Variants in ZPBP observed in about 807,000 individuals in gnomAD.
ZPBP encodes the protein zona pellucida binding protein, also known as zona pellucida-binding protein 1.
A neutral mutation model predicts 44.8 loss-of-function variants in ZPBP; 26 were observed. That is an observed-to-expected ratio of 0.58 (90% CI 0.43 to 0.81). The LOEUF (loss-of-function observed/expected upper bound fraction) is 0.81. ZPBP is among the 30% of genes least tolerant of loss of function. ZPBP has a pLI of 0.00. For synonymous variants in ZPBP, 174 were observed against 153.2 expected (o/e 1.14, Z -1.00); for missense variants, 409 against 434.0 (o/e 0.94, Z 0.51).
At chr7:49,840,691 C>A in the ZPBP span, among the ~76,000 whole-genome samples, 2 of 152,148 alleles carry the variant, frequency 1.3e-5, no homozygotes, top group Non-Finnish European at 2.9e-5. Context: ...AGTGCAGCTT[C>A]AAAAGCTGTT....
intron 7 of ZPBP, chr7:49,943,196 C>A: frequency 3.2e-6 from 1 of 312,162 alleles, no homozygotes. Context: ...CAGCATTCTC[C>A]CAAGAATTAA....
intron 6 of ZPBP, among the ~76,000 whole-genome samples, chr7:49,991,310 CCCTCTCTTGTTAGGAACATCAGA>C (rs1440739005): frequency 1.3e-5 from 2 of 152,046 alleles, no homozygotes; most frequent in Non-Finnish European, 2.9e-5. Flanking sequence ...TCAAAATTGT[CCCTCTCTTGTTAGGAACATCAGA>C]ACAGCAATAA....
rs1247371746 is a variant in ZPBP, at chr7:50,029,188, C to T, written c.706+1904G>A. On this transcript the variant is annotated intron_variant, in intron 5 of 7. Coordinates refer to ENST00000046087, the MANE Select transcript of ZPBP (RefSeq NM_007009.3). ...GTTCAGAGATAAGCCCATATATTTA[C>T]GGTTAACTGACTTTCAACAAGGATG... 2.6e-5 allele frequency among the ~76,000 whole-genome samples: 4 copies of T among 152,206 alleles called. No individual in the cohort carries two copies. In the East Asian group the frequency reaches 5.8e-4, roughly 22 times the overall value.
At chr7:50,013,966 T>C (rs1798697576) in intron 6 of ZPBP, among the ~76,000 whole-genome samples, 2 of 152,132 alleles carry the variant, frequency 1.3e-5, no homozygotes. Flanking sequence ...TATCCTATCA[T>C]CCTTTATCTA....
At chr7:50,064,988 A>G (rs1801428016) in intron 3 of ZPBP, among the ~76,000 whole-genome samples, 1 of 152,210 alleles carries the variant, frequency 6.6e-6, no homozygotes, top group Non-Finnish European at 1.5e-5. Flanking sequence ...AGAAATTATA[A>G]AAGTATTAAT....
Position 50,031,311 on chromosome 7 carries a change from C to T in ZPBP, c.488-1G>A. 18 of 1,607,134 alleles carry T rather than the reference C, an allele frequency of 1.1e-5. No homozygotes were observed. The highest frequency in any genetic ancestry group is 1.5e-5 in the Non-Finnish European group (18 of 1,177,936). ...TAATAATAATGAGGCTCACGATAAG[C>T]TGTAAAAAATTAACAAGAGAAAGAC... is the stretch of plus-strand genomic sequence containing the variant. On this transcript the variant is annotated splice_acceptor_variant, in intron 4 of 7. Transcript: ENST00000046087. LOFTEE classifies it high-confidence loss of function.
intron 6 of ZPBP, among the ~76,000 whole-genome samples, chr7:50,010,908 CAAAAAA>C (rs71554292): frequency 3.2e-4 from 30 of 92,400 alleles, no homozygotes; most frequent in South Asian, 1.2e-3. Context: ...CAAGACCAAG[CAAAAAA>C]AAAAAAAAAA....
chr7:49,913,558 T>C (rs1450337758), intron 1 of ZPBP: 1 of 152,200 alleles, frequency 6.6e-6, no homozygotes, highest in Non-Finnish European at 1.5e-5. Flanking sequence ...CATATTTTTG[T>C]TTATTCTGAA....
At chr7:50,092,122 T>A (rs1003338166) in intron 1 of ZPBP, among the ~76,000 whole-genome samples, 1 of 152,228 alleles carries the variant, frequency 6.6e-6, no homozygotes, top group South Asian at 2.1e-4. Context: ...TCTAATCTTA[T>A]TATTTCATCA....
chr7:50,076,850 C>T (rs550418949), intron 3 of ZPBP, among the ~76,000 whole-genome samples: 137 of 151,914 alleles, frequency 9.0e-4, no homozygotes, highest in Middle Eastern at 3.4e-3. Context: ...TCAATGCAAT[C>T]CCTATCAAAA....
At chr7:49,881,035 G>A (rs565236484) in intron 2 of ZPBP, among the ~76,000 whole-genome samples, 30 of 152,000 alleles carry the variant, frequency 2.0e-4, no homozygotes, top group African/African-American at 7.2e-4. Context: ...TCCTTTCTTG[G>A]GTCCCTTGGT....
intron 3 of ZPBP, among the ~76,000 whole-genome samples, chr7:50,063,928 G>A (rs575916868): frequency 1.7e-4 from 26 of 152,074 alleles, no homozygotes; most frequent in Non-Finnish European, 3.2e-4. Flanking sequence ...ATTGGGGTGT[G>A]GTACCCCCAT....
At chr7:50,066,667 T>C (rs1297701533) in intron 3 of ZPBP, among the ~76,000 whole-genome samples, 2 of 152,242 alleles carry the variant, frequency 1.3e-5, no homozygotes, top group African/African-American at 2.4e-5. Flanking sequence ...GAATTATAAC[T>C]AGGCTTATAC....
rs562150787 is a variant in ZPBP at position 50,042,818 on chromosome 7, A to G, written c.488-11508T>C. 2.6e-5 allele frequency among the ~76,000 whole-genome samples: 4 copies of G among 152,348 alleles called. No individual in the cohort carries two copies. In the South Asian group the frequency reaches 8.3e-4, roughly 32 times the overall value. ...GACAGGATAAAATCCACACATAACA[A>G]TATTAACCTTAAATGTAAACAGGCT... On this transcript the variant is annotated intron_variant, in intron 4 of 7. Transcript: ENST00000046087.
rs1042283620 is a variant in ZPBP at position 50,085,969 on chromosome 7, A to G, written c.208+3660T>C. 3.9e-4 allele frequency among the ~76,000 whole-genome samples: 60 copies of G among 152,140 alleles called. 1 individual carries two copies. Among genetic ancestry groups the G allele is most frequent in the Admixed American group, 3.3e-4 (5 of 15,272 alleles). On this transcript the variant is annotated intron_variant, in intron 2 of 7. Transcript: ENST00000046087. ...CTGAAATTGAGGTTCTGCACGGCATAAAGTGAATGATAAGGTAGAGTTGCC... is the reference window on the plus strand; with the variant it reads ...CTGAAATTGAGGTTCTGCACGGCATGAAGTGAATGATAAGGTAGAGTTGCC...
At chr7:49,983,581 A>G in intron 6 of ZPBP, 62 bp from the exon 7 acceptor site, 5 of 1,040,654 alleles carry the variant, frequency 4.8e-6, no homozygotes, top group Non-Finnish European at 7.1e-6. Flanking sequence ...TAGAACAAAT[A>G]AGGATGCATG....
At chr7:49,954,910 T>C (rs1795511689) in intron 7 of ZPBP, among the ~76,000 whole-genome samples, 1 of 152,204 alleles carries the variant, frequency 6.6e-6, no homozygotes, top group Non-Finnish European at 1.5e-5. Context: ...ATAACATTTA[T>C]CAAGATGTGC....
intron 5 of ZPBP, among the ~76,000 whole-genome samples, chr7:50,025,659 C>A (rs1018807522): frequency 4.0e-5 from 6 of 151,690 alleles, no homozygotes; most frequent in African/African-American, 1.4e-4. Context: ...GTAAAATACA[C>A]AAAACTGGAA....
chr7:50,018,086 T>C (rs1798903021), intron 6 of ZPBP, among the ~76,000 whole-genome samples, 154 bp downstream of exon 6: 1 of 152,102 alleles, frequency 6.6e-6, no homozygotes, highest in East Asian at 1.9e-4. Flanking sequence ...TATTAATGTC[T>C]TATCTTTTAT....
Sources: allele counts gnomAD v4.1 joint callset (sites outside exome capture counted in the v4.1 genomes callset), GRCh38; gene constraint gnomAD v4.1.1; transcripts MANE v1.5; gene names NCBI Gene and HGNC (gene_info 2026-07-23, HGNC 2026-07-21).